UBE2E3: variants seen among roughly 807,000 people sequenced by gnomAD.
UBE2E3 encodes ubiquitin-conjugating enzyme E2 E3.
UBE2E3 carries 5 observed loss-of-function variants against 23.6 expected under a neutral mutation model. That is an observed-to-expected ratio of 0.21 (90% CI 0.11 to 0.44). The LOEUF (loss-of-function observed/expected upper bound fraction) is 0.44. Ranked by LOEUF, UBE2E3 falls within the 20% of genes least tolerant of loss-of-function variation. The probability of loss-of-function intolerance (pLI) is 0.99; values close to 1 mark genes in which losing one functional copy is unlikely to be tolerated. For synonymous variants in UBE2E3, 78 were observed against 87.5 expected (o/e 0.89, Z 0.60); for missense variants, 81 against 249.8 (o/e 0.32, Z 4.55).
chr2:181,011,790 A>G (rs1685337904), intron 3 of UBE2E3, among the ~76,000 whole-genome samples: 2 of 152,178 alleles, frequency 1.3e-5, no homozygotes, highest in Non-Finnish European at 2.9e-5. Flanking sequence ...TTGGCTTTTA[A>G]AATGAATGAA....
chr2:181,016,531 C>G (rs997226171), intron 3 of UBE2E3, among the ~76,000 whole-genome samples: 1 of 152,114 alleles, frequency 6.6e-6, no homozygotes, highest in Non-Finnish European at 1.5e-5. Flanking sequence ...CTGCTTATGT[C>G]AGACTCATTT....
At position 181,030,166 on chromosome 2, in the gene UBE2E3, TTGGTGG is replaced by T. The variant is rs921313508; in HGVS notation, c.246-27514_246-27509del. ...TTCCATGAAAGTATTTTGGTTGTCTTTGGTGGTGGTGGTGGTGGCCTTATGTAAACT... is the reference window on the plus strand; with the variant it reads ...TTCCATGAAAGTATTTTGGTTGTCTTTGGTGGTGGTGGCCTTATGTAAACT... On this transcript the variant is annotated intron_variant, in intron 3 of 5. Coordinates refer to ENST00000410062, the MANE Select transcript of UBE2E3 (RefSeq NM_006357.4). 2.6e-5 allele frequency among the ~76,000 whole-genome samples: 4 copies of T among 151,960 alleles called. No homozygotes were observed. In the East Asian group the frequency reaches 7.7e-4, roughly 29 times the overall value.
intron 3 of UBE2E3, among the ~76,000 whole-genome samples, chr2:181,016,334 C>A (rs1011810224): frequency 6.6e-6 from 1 of 151,994 alleles, no homozygotes; most frequent in African/African-American, 2.4e-5. Context: ...GCTTCCTTGG[C>A]CTCCCAAAGT....
chr2:181,017,777 T>TTC (rs1685542742), intron 3 of UBE2E3, among the ~76,000 whole-genome samples: 1 of 147,918 alleles, frequency 6.8e-6, no homozygotes, highest in African/African-American at 2.5e-5. Flanking sequence ...TGCTTTGGAC[T>TTC]TACCTTGTCT....
intron 3 of UBE2E3, among the ~76,000 whole-genome samples, chr2:181,032,493 A>G (rs962194455): frequency 1.3e-5 from 2 of 152,216 alleles, no homozygotes; most frequent in African/African-American, 4.8e-5. Flanking sequence ...TCAAAGAAAC[A>G]TTTGAGTCAT....
intron 3 of UBE2E3, among the ~76,000 whole-genome samples, chr2:181,028,636 T>C (rs1685973905): frequency 6.8e-6 from 1 of 146,628 alleles, no homozygotes; most frequent in Non-Finnish European, 1.5e-5. Context: ...TTAATTTGCA[T>C]TTCCTAATAA....
At chr2:181,009,681 GTT>G (rs1685258906) in intron 3 of UBE2E3, among the ~76,000 whole-genome samples, 1 of 151,936 alleles carries the variant, frequency 6.6e-6, no homozygotes, top group Admixed American at 6.6e-5. Flanking sequence ...TTATTTTAGT[GTT>G]TGTTTTTCTA....
intron 3 of UBE2E3, among the ~76,000 whole-genome samples, chr2:181,056,991 A>C (rs1297117707): frequency 6.6e-6 from 1 of 151,712 alleles, no homozygotes; most frequent in South Asian, 2.1e-4. Context: ...GAATCAAATC[A>C]TGAGGAAACA....
chr2:181,020,419 ACT>A (rs982361547), intron 3 of UBE2E3, among the ~76,000 whole-genome samples: 13 of 152,068 alleles, frequency 8.5e-5, no homozygotes, highest in African/African-American at 2.4e-4. Flanking sequence ...ATCTGCAGTG[ACT>A]CTGTTTCCAA....
At chr2:181,037,362 A>G (rs964923599) in intron 3 of UBE2E3, among the ~76,000 whole-genome samples, 3 of 152,088 alleles carry the variant, frequency 2.0e-5, no homozygotes, top group African/African-American at 4.8e-5. Flanking sequence ...AGGAGAAGGC[A>G]TTGTTATAGG....
chr2:181,051,915 A>G (rs189492692), intron 3 of UBE2E3, among the ~76,000 whole-genome samples: 11 of 151,948 alleles, frequency 7.2e-5, no homozygotes, highest in Admixed American at 3.3e-4. Flanking sequence ...AAAATTTTGT[A>G]TCTGTTTTTA....
intron 3 of UBE2E3, among the ~76,000 whole-genome samples, chr2:181,055,385 A>G (rs1315295514): frequency 1.3e-5 from 2 of 151,720 alleles, no homozygotes; most frequent in African/African-American, 4.8e-5. Flanking sequence ...AGCCTCTAAT[A>G]TGATTTGTTT....
intron 3 of UBE2E3, among the ~76,000 whole-genome samples, chr2:181,042,316 T>C (rs1217711242): frequency 6.6e-6 from 1 of 152,232 alleles, no homozygotes; most frequent in East Asian, 1.9e-4. Context: ...AGAGGCTGTT[T>C]ACATGTTTAA....
intron 3 of UBE2E3, among the ~76,000 whole-genome samples, chr2:181,025,798 A>G (rs1407920931): frequency 1.3e-5 from 2 of 151,944 alleles, no homozygotes; most frequent in Non-Finnish European, 2.9e-5. Flanking sequence ...TTTCATACCA[A>G]GTCTTCTATA....
intron 3 of UBE2E3, among the ~76,000 whole-genome samples, chr2:180,999,795 C>T (rs1236299872): frequency 1.3e-5 from 2 of 152,150 alleles, no homozygotes; most frequent in African/African-American, 4.8e-5. Context: ...AAGTTATCTC[C>T]TCTGATTCTC....
At chr2:180,994,054 G>T (rs1330403565) in intron 3 of UBE2E3, among the ~76,000 whole-genome samples, 4 of 152,100 alleles carry the variant, frequency 2.6e-5, no homozygotes, top group Non-Finnish European at 4.4e-5. Context: ...GAATTCAATG[G>T]CAGTTTTAAC....
intron 3 of UBE2E3, among the ~76,000 whole-genome samples, chr2:181,040,634 T>C (rs1381424750): frequency 6.6e-6 from 1 of 152,160 alleles, no homozygotes; most frequent in Non-Finnish European, 1.5e-5. Context: ...CTACAAATTA[T>C]AGGATGAAGG....
intron 3 of UBE2E3, among the ~76,000 whole-genome samples, chr2:181,022,688 C>G (rs971839825): frequency 1.4e-5 from 2 of 144,484 alleles, no homozygotes; most frequent in African/African-American, 5.2e-5. Flanking sequence ...ACAAAAAGCA[C>G]AAAAATGCAA....
At chr2:180,983,000 T>G (rs1684349541) in intron 2 of UBE2E3, among the ~76,000 whole-genome samples, 1 of 152,212 alleles carries the variant, frequency 6.6e-6, no homozygotes, top group African/African-American at 2.4e-5. Flanking sequence ...TTCCTATTGA[T>G]TGATGTTTTC....
Sources: allele counts gnomAD v4.1 joint callset (sites outside exome capture counted in the v4.1 genomes callset), GRCh38; gene constraint gnomAD v4.1.1; transcripts MANE v1.5; gene names NCBI Gene and HGNC (gene_info 2026-07-23, HGNC 2026-07-21).